Variants in PCDH11X observed in about 807,000 individuals in gnomAD.
The protein encoded by PCDH11X is protocadherin-11 X-linked.
In PCDH11X, 18 loss-of-function variants were observed where a neutral mutation model predicts 53.3. The observed-to-expected ratio is 0.34, with a 90% CI of 0.23 to 0.50. PCDH11X has a LOEUF of 0.50. Among genes scored for constraint, PCDH11X ranks in the 20% least tolerant of loss-of-function variants. PCDH11X has a pLI of 0.98. For missense variants in PCDH11X, 570 were observed against 1,032.4 expected (o/e 0.55, Z 6.14); for synonymous variants, 279 against 393.3 (o/e 0.71, Z 3.44).
intron 5 of PCDH11X, among the ~76,000 whole-genome samples, chrX:91,854,376 A>G (rs1938201744): frequency 8.9e-6 from 1 of 112,386 alleles, no homozygotes; most frequent in Non-Finnish European, 1.9e-5. Context: ...TATATGTACC[A>G]GATTTCCTTT....
chrX:92,071,434 C>T (rs190264553), intron 6 of PCDH11X, among the ~76,000 whole-genome samples: 305 of 111,761 alleles, frequency 2.7e-3, no homozygotes, highest in African/African-American at 9.8e-3. Context: ...CATCATATAT[C>T]TCTCTTTCTC....
chrX:92,477,905 T>C (rs1320778694), intron 10 of PCDH11X, among the ~76,000 whole-genome samples: 1 of 106,217 alleles, frequency 9.4e-6, no homozygotes, highest in East Asian at 3.0e-4. Flanking sequence ...AAATCTGATA[T>C]GGTTTGGCTC....
At chrX:91,981,229 G>C (rs1459231041) in intron 6 of PCDH11X, among the ~76,000 whole-genome samples, 1 of 108,597 alleles carries the variant, frequency 9.2e-6, no homozygotes, top group African/African-American at 3.3e-5. Context: ...CAGGTTATGT[G>C]TGATTTTATC....
chrX:91,805,453 T>C (rs1286707268), intron 1 of PCDH11X, among the ~76,000 whole-genome samples: 3 of 111,557 alleles, frequency 2.7e-5, no homozygotes, highest in Admixed American at 9.6e-5. Context: ...AAGGTTCTAA[T>C]GTTAGAATAG....
intron 8 of PCDH11X, among the ~76,000 whole-genome samples, chrX:92,384,641 C>G (rs1342465765): frequency 1.0e-5 from 1 of 95,977 alleles, no homozygotes; most frequent in Non-Finnish European, 2.1e-5. Context: ...CGTAGAGATT[C>G]AAAGCTGTCT....
chrX:92,096,472 GTGTA>G (rs1303866420), intron 6 of PCDH11X, among the ~76,000 whole-genome samples: 7 of 107,163 alleles, frequency 6.5e-5, no homozygotes, highest in African/African-American at 2.4e-4. Flanking sequence ...GTGTGTGTGT[GTGTA>G]TGTACCTGCT....
chrX:92,237,376 T>G (rs1226690570), intron 7 of PCDH11X, among the ~76,000 whole-genome samples: 1 of 110,517 alleles, frequency 9.0e-6, no homozygotes, highest in African/African-American at 3.3e-5. Context: ...TGTGAGCAAT[T>G]TATCCTTTTT....
At chrX:92,181,497 C>A (rs1190357405) in intron 6 of PCDH11X, among the ~76,000 whole-genome samples, 2 of 111,818 alleles carry the variant, frequency 1.8e-5, no homozygotes, top group African/African-American at 6.5e-5. Flanking sequence ...AAATGTTAAT[C>A]CCCAAGACAG....
intron 8 of PCDH11X, among the ~76,000 whole-genome samples, chrX:92,296,070 G>A (rs1239792684): frequency 5.0e-5 from 5 of 99,256 alleles, no homozygotes; most frequent in African/African-American, 2.0e-4. Context: ...CAACAAGAGC[G>A]AAACTCTGTC....
At chrX:91,908,777 C>T (rs1602474930) in intron 6 of PCDH11X, among the ~76,000 whole-genome samples, 1 of 101,381 alleles carries the variant, frequency 9.9e-6, no homozygotes, top group East Asian at 3.3e-4. Flanking sequence ...TGAACTCCAG[C>T]CTGGGTGACA....
At chrX:91,931,909 G>A (rs181784991) in intron 6 of PCDH11X, among the ~76,000 whole-genome samples, 153 of 111,009 alleles carry the variant, frequency 1.4e-3, no homozygotes, top group African/African-American at 4.4e-3. Context: ...GTGGTTTGCT[G>A]CACAGATCAA....
intron 6 of PCDH11X, among the ~76,000 whole-genome samples, chrX:92,009,766 G>T (rs1387672223): frequency 1.0e-5 from 1 of 99,606 alleles, no homozygotes; most frequent in Non-Finnish European, 2.0e-5. Context: ...GCAGTGGTGC[G>T]ATCTTGGCTC....
intron 6 of PCDH11X, among the ~76,000 whole-genome samples, chrX:92,051,427 G>T (rs1256485207): frequency 4.5e-5 from 5 of 111,628 alleles, no homozygotes; most frequent in Non-Finnish European, 7.5e-5. Flanking sequence ...TTCAAATACA[G>T]CATGCTTTAA....
chrX:91,955,338 C>T (rs931391376), intron 6 of PCDH11X, among the ~76,000 whole-genome samples: 1 of 109,084 alleles, frequency 9.2e-6, no homozygotes, highest in African/African-American at 3.3e-5. Context: ...CAGCACCATG[C>T]TTTTTTGGTT....
intron 9 of PCDH11X, among the ~76,000 whole-genome samples, chrX:92,403,080 A>G (rs1297390046): frequency 9.3e-6 from 1 of 107,709 alleles, no homozygotes; most frequent in African/African-American, 3.4e-5. Context: ...CTCTTGAGAT[A>G]CTGATAATGG....
At chrX:92,143,511 G>A (rs1402909455) in intron 6 of PCDH11X, among the ~76,000 whole-genome samples, 1 of 112,695 alleles carries the variant, frequency 8.9e-6, no homozygotes, top group East Asian at 2.8e-4. Context: ...TTCAGAGGGC[G>A]GAAGCCCCAA....
intron 6 of PCDH11X, among the ~76,000 whole-genome samples, chrX:91,953,097 A>C (rs2061661792): frequency 9.1e-6 from 1 of 110,178 alleles, no homozygotes; most frequent in African/African-American, 3.3e-5. Flanking sequence ...AATGGGTATG[A>C]AAAAATGGAA....
At chrX:91,807,025 C>A (rs1292593733) in intron 1 of PCDH11X, among the ~76,000 whole-genome samples, 1 of 110,943 alleles carries the variant, frequency 9.0e-6, no homozygotes. Context: ...AGAAATATCT[C>A]CATAAACCAT....
At chrX:91,786,056 T>A in intron 1 of PCDH11X, among the ~76,000 whole-genome samples, 1 of 112,208 alleles carries the variant, frequency 8.9e-6, no homozygotes, top group East Asian at 2.8e-4. Flanking sequence ...TCAATTACTG[T>A]TTTGAATTTG....
Sources: allele counts gnomAD v4.1 joint callset (sites outside exome capture counted in the v4.1 genomes callset), GRCh38; gene constraint gnomAD v4.1.1; transcripts MANE v1.5; gene names NCBI Gene and HGNC (gene_info 2026-07-23, HGNC 2026-07-21).